Variants in STAG3 observed in about 807,000 individuals in gnomAD.
The protein encoded by STAG3 is STAG3 cohesin complex component.
In STAG3, 101 loss-of-function variants were observed where a neutral mutation model predicts 160.7. The observed-to-expected ratio is 0.63, with a 90% CI of 0.54 to 0.74. The LOEUF (loss-of-function observed/expected upper bound fraction) is 0.74, where lower values mean the gene tolerates loss of function less well. Among genes scored for constraint, STAG3 ranks in the 30% least tolerant of loss-of-function variants. The pLI, the probability that STAG3 is intolerant of heterozygous loss-of-function variation, is 0.00. For synonymous variants in STAG3, 519 were observed against 585.0 expected (o/e 0.89, Z 1.63); for missense variants, 1,188 against 1,517.4 (o/e 0.78, Z 3.61).
At position 100,211,844 on chromosome 7, in the gene STAG3, G is replaced by A. The variant is rs369841228; in HGVS notation, c.3568G>A (p.Glu1190Lys). The part of the protein sequence containing the change: ...DEEEELEIQD[E>K]SNEERQDTDM... ...GGAAGAAGAGTTAGAAATCCAGGATGAGTCAAATGAAGAACGGCAGGATAC... is the reference window on the plus strand; with the variant it reads ...GGAAGAAGAGTTAGAAATCCAGGATAAGTCAAATGAAGAACGGCAGGATAC... Residue 1190 changes from glutamate (E) to lysine (K), a missense_variant, in exon 32 of 34, where the codon GAG (glutamate) becomes AAG (lysine). Glu to Lys is a moderately conservative substitution (Grantham distance 56). Around this residue, in one of 4 missense-constraint regions of STAG3, gnomAD observed 647 missense variants for 717.2 expected, o/e 0.90. Transcript: ENST00000615138. The A allele has an allele frequency of 1.9e-5, 31 of 1,613,992 alleles. No homozygotes were observed. The highest frequency in any genetic ancestry group is 2.5e-5 in the Non-Finnish European group (30 of 1,180,018).
chr7:100,211,368 C>T, intron 30 of STAG3, 67 bp from the exon 31 acceptor site: 1 of 1,557,254 alleles, frequency 6.4e-7, no homozygotes, highest in African/African-American at 1.4e-5. Flanking sequence ...CCCATTAACA[C>T]CAGCTGCCTT....
chr7:100,199,016 T>C (rs1800882726), intron 14 of STAG3, 59 bp downstream of exon 14: 1 of 1,510,254 alleles, frequency 6.6e-7, no homozygotes, highest in African/African-American at 1.4e-5. Context: ...TGGGCTGGGG[T>C]TGGTGGCTCA....
chr7:100,200,555 A>G lies in STAG3; in HGVS notation c.1860+13A>G, dbSNP rs1801036300. On this transcript the variant is annotated intron_variant, in intron 18 of 33. Transcript: ENST00000615138. ...GCGCTTGGAGAAGGTAGGGAGATAG[A>G]TTTCCTATACCTTGCTGCTTGCCTG... 6.2e-7 allele frequency: 1 copy of G among 1,613,042 alleles called. No homozygotes were observed. The highest frequency in any genetic ancestry group is 8.5e-7 in the Non-Finnish European group (1 of 1,179,666).
intron 7 of STAG3, 86 bp from the exon 8 acceptor site, chr7:100,189,359 T>TTC: frequency 4.2e-6 from 6 of 1,432,948 alleles, no homozygotes; most frequent in Non-Finnish European, 5.7e-6. Context: ...TTCATTGCCC[T>TTC]TCTTTCCTTC....
At position 100,199,645 on chromosome 7, in the gene STAG3, G is replaced by T; in HGVS notation, c.1677+1G>T. The T allele has an allele frequency of 6.3e-7, 1 of 1,587,120 alleles. No individual in the cohort carries two copies. On this transcript the variant is annotated splice_donor_variant, in intron 16 of 33. Coordinates refer to ENST00000615138, the MANE Select transcript of STAG3 (RefSeq NM_001282717.2). LOFTEE classifies it high-confidence loss of function. Reference sequence around the variant, plus strand: ...TGTGGGCCGGGTCACTGGGAGGAAGGTATGGTGTGAGGGTAGAGTGGGTAG... The same window carrying T: ...TGTGGGCCGGGTCACTGGGAGGAAGTTATGGTGTGAGGGTAGAGTGGGTAG...
intron 10 of STAG3, 24 bp from the exon 11 acceptor site, chr7:100,197,747 TTCCATTC>T (rs1271713202): frequency 6.4e-7 from 1 of 1,573,320 alleles, no homozygotes; most frequent in Non-Finnish European, 8.7e-7. Flanking sequence ...TTAGTCTTAT[TTCCATTC>T]TCCTGGTTTT....
intron 31 of STAG3, 104 bp downstream of exon 31, chr7:100,211,643 GT>G: frequency 6.9e-7 from 1 of 1,456,380 alleles, no homozygotes; most frequent in Non-Finnish European, 9.5e-7. Context: ...TTTTGGACTT[GT>G]TTTAGCCACA....
At chr7:100,200,381 C>A in intron 17 of STAG3, 53 bp downstream of exon 17, 1 of 1,612,200 alleles carries the variant, frequency 6.2e-7, no homozygotes, top group Non-Finnish European at 8.5e-7. Flanking sequence ...AAGGAAATGG[C>A]CTCTGTGGGG....
chr7:100,195,983 G>A (rs1800657808), intron 9 of STAG3, among the ~76,000 whole-genome samples: 1 of 152,070 alleles, frequency 6.6e-6, no homozygotes, highest in Non-Finnish European at 1.5e-5. Context: ...TACAAAATTA[G>A]CCGGGTGTGG....
chr7:100,207,170 C>T lies in STAG3; in HGVS notation c.3238+1786C>T, dbSNP rs1488794090. Among the ~76,000 whole-genome samples, 4 of 152,314 alleles carry T rather than the reference C, an allele frequency of 2.6e-5. No homozygotes were observed. The highest frequency in any genetic ancestry group is 5.9e-5 in the Non-Finnish European group (4 of 68,034). On this transcript the variant is annotated intron_variant, in intron 29 of 33. Transcript: ENST00000615138. This position sits in a 1 kb window ranked among gnomAD's most constrained non-coding sequence, Gnocchi z 4.0. ...CATTTGGGCTCTTTTATGCATAATG[C>T]TGCTAAACATGCATGTACACATTTT...
chr7:100,194,482 A>G (rs1357162267), intron 8 of STAG3, among the ~76,000 whole-genome samples: 1 of 152,214 alleles, frequency 6.6e-6, no homozygotes, highest in Non-Finnish European at 1.5e-5. Flanking sequence ...TGGTACCCCA[A>G]AACAGTTACA....
rs1624099 is a variant in STAG3, at chr7:100,213,690, G to A, written c.3601-45G>A. On this transcript the variant is annotated intron_variant, in intron 32 of 33. Coordinates refer to ENST00000615138, the MANE Select transcript of STAG3 (RefSeq NM_001282717.2). ...TGGTTTTTTTATTTGCGAAGTGACAGGAGTGTGTAAAGGCCTTTTTGACTT... is the reference window on the plus strand; with the variant it reads ...TGGTTTTTTTATTTGCGAAGTGACAAGAGTGTGTAAAGGCCTTTTTGACTT... 0.51 allele frequency: 820,021 copies of A among 1,613,316 alleles called. 210,849 individuals are homozygous for A. The highest frequency in any genetic ancestry group is 0.58 in the South Asian group (53,001 of 91,046).
rs775751293 is a variant in STAG3, at chr7:100,195,281, G to A, written c.868-28G>A. ...CTTATGCTTGTTAGGGTACAAGAAAGATTAACCCGTTTCTCCCTGTCCTCC... is the reference window on the plus strand; with the variant it reads ...CTTATGCTTGTTAGGGTACAAGAAAAATTAACCCGTTTCTCCCTGTCCTCC... On this transcript the variant is annotated intron_variant, in intron 8 of 33. Coordinates refer to ENST00000615138, the MANE Select transcript of STAG3 (RefSeq NM_001282717.2). 3.7e-6 allele frequency: 6 copies of A among 1,607,670 alleles called. No individual in the cohort carries two copies. In the Admixed American group the frequency reaches 8.3e-5, roughly 22 times the overall value.
At chr7:100,197,500 GGA>G (rs1202884730) in intron 10 of STAG3, 1 of 712,240 alleles carries the variant, frequency 1.4e-6, no homozygotes, top group African/African-American at 1.8e-5. Context: ...TGAGGTACGG[GGA>G]GAGAGACTTT....
At chr7:100,213,665 T>G in intron 32 of STAG3, 70 bp from the exon 33 acceptor site, 1 of 1,611,320 alleles carries the variant, frequency 6.2e-7, no homozygotes, top group Non-Finnish European at 8.5e-7. Context: ...GGAAAGGAAC[T>G]GGTTTTTTTA....
Position 100,188,834 on chromosome 7 carries a change from T to C in STAG3, c.533T>C (p.Ile178Thr), listed in dbSNP as rs1800184143. Residue 178 changes from isoleucine (I) to threonine (T), a missense_variant, in exon 7 of 34, where the codon ATA (isoleucine) becomes ACA (threonine). By Grantham distance (89) the Ile-to-Thr change is moderately conservative. Coordinates refer to ENST00000615138, the MANE Select transcript of STAG3 (RefSeq NM_001282717.2). ...TAGGACTCGGGGGACTACCCTCTCA[T>C]AGCTCCAGGTCCATCCTGGAAGAAG... is the stretch of plus-strand genomic sequence containing the variant. Reference protein sequence around the residue: ...FNEDSGDYPLIAPGPSWKKFQ... With the variant: ...FNEDSGDYPLTAPGPSWKKFQ... The C allele has an allele frequency of 6.2e-7, 1 of 1,614,006 alleles. No individual in the cohort carries two copies. The highest frequency in any genetic ancestry group is 1.3e-5 in the African/African-American group (1 of 74,898).
intron 8 of STAG3, among the ~76,000 whole-genome samples, chr7:100,191,167 C>A (rs1447543048): frequency 6.6e-6 from 1 of 152,004 alleles, no homozygotes; most frequent in Non-Finnish European, 1.5e-5. Context: ...AGATCTCTGG[C>A]CTTTATCTAC....
intron 4 of STAG3, among the ~76,000 whole-genome samples, chr7:100,184,640 G>C (rs1311420400): frequency 1.3e-5 from 2 of 151,664 alleles, no homozygotes; most frequent in Admixed American, 1.3e-4. Flanking sequence ...ACTAATTTTT[G>C]TATTTTTAGC....
intron 33 of STAG3, 34 bp downstream of exon 33, chr7:100,213,840 T>C (rs1416847613): frequency 6.2e-7 from 1 of 1,614,020 alleles, no homozygotes; most frequent in Non-Finnish European, 8.5e-7. Flanking sequence ...TATGTATCCT[T>C]CGGAAATGCT....
Sources: gnomAD v4.1 joint callset for allele counts (sites outside exome capture counted in the v4.1 genomes callset) on GRCh38, gnomAD v4.1.1 for gene constraint, gnomAD v4.1.1 regional missense constraint, Gnocchi (gnomAD v3.1) non-coding constraint, MANE v1.5 for transcripts, NCBI Gene and HGNC (gene_info 2026-07-23, HGNC 2026-07-21) for gene names.